MTA3: variants seen among roughly 807,000 people sequenced by gnomAD.
The protein encoded by MTA3 is metastasis-associated protein MTA3.
MTA3 carries 34 observed loss-of-function variants against 83.5 expected under a neutral mutation model. The observed-to-expected ratio is 0.41, with a 90% confidence interval of 0.31 to 0.54. The LOEUF is 0.54. Ranked by LOEUF, MTA3 falls within the 20% of genes least tolerant of loss-of-function variation. The pLI is 0.33. For synonymous variants in MTA3, 303 were observed against 252.7 expected (o/e 1.20, Z -1.89); for missense variants, 761 against 726.4 (o/e 1.05, Z -0.55).
chr2:42,622,644 T>G (rs922173010), intron 4 of MTA3, among the ~76,000 whole-genome samples: 2 of 152,150 alleles, frequency 1.3e-5, no homozygotes, highest in African/African-American at 4.8e-5. Context: ...AGGAATCTTT[T>G]TAAAAAAATT....
intron 4 of MTA3, among the ~76,000 whole-genome samples, chr2:42,611,390 T>C (rs1684206530): frequency 6.6e-6 from 1 of 151,808 alleles, no homozygotes; most frequent in Non-Finnish European, 1.5e-5. Context: ...ACAACTCCTT[T>C]TTTATAGAAA....
chr2:42,624,791 G>A (rs955645107), intron 4 of MTA3, among the ~76,000 whole-genome samples: 2 of 151,998 alleles, frequency 1.3e-5, no homozygotes, highest in Admixed American at 1.3e-4. Flanking sequence ...TTGAATTTTG[G>A]GTTGAAAATG....
intron 3 of MTA3, among the ~76,000 whole-genome samples, chr2:42,585,539 A>G (rs1276714078): frequency 6.9e-6 from 1 of 145,588 alleles, no homozygotes; most frequent in Admixed American, 7.0e-5. Context: ...CAGTGGTGCA[A>G]TCTCAGCTCA....
chr2:42,555,239 G>C (rs1455900405), intron 2 of MTA3, among the ~76,000 whole-genome samples: 1 of 151,694 alleles, frequency 6.6e-6, no homozygotes, highest in Non-Finnish European at 1.5e-5. Context: ...CTAGGCGGTG[G>C]ATTAACTGAG....
chr2:42,502,797 C>CAAAA (rs3039405), intron 2 of MTA3, among the ~76,000 whole-genome samples: 7 of 85,340 alleles, frequency 8.2e-5, no homozygotes, highest in African/African-American at 1.7e-4. Context: ...AACTCTGTCT[C>CAAAA]AAAAAAAAAA....
chr2:42,577,134 A>ATATATATATAT (rs1558451250), intron 2 of MTA3, among the ~76,000 whole-genome samples: 4 of 96,706 alleles, frequency 4.1e-5, no homozygotes, highest in African/African-American at 1.7e-4. Flanking sequence ...ATATATATAT[A>ATATATATATAT]AAAATGAACT....
At chr2:42,576,999 C>T (rs1679109970) in intron 2 of MTA3, among the ~76,000 whole-genome samples, 1 of 149,620 alleles carries the variant, frequency 6.7e-6, no homozygotes, top group African/African-American at 2.5e-5. Context: ...GAGGCTGAGG[C>T]AGGAGGATCG....
intron 4 of MTA3, among the ~76,000 whole-genome samples, chr2:42,635,776 T>C (rs1028328447): frequency 2.6e-5 from 4 of 152,166 alleles, no homozygotes; most frequent in African/African-American, 4.8e-5. Flanking sequence ...TTTTCTGTTT[T>C]TTTTTCCCAA....
At chr2:42,636,060 C>T (rs564987119) in intron 4 of MTA3, among the ~76,000 whole-genome samples, 5 of 152,228 alleles carry the variant, frequency 3.3e-5, no homozygotes, top group Admixed American at 6.5e-5. Flanking sequence ...TGAGCCACGG[C>T]GCCGGGCCAG....
At chr2:42,603,107 C>CTTTTTTT (rs11352685) in intron 3 of MTA3, among the ~76,000 whole-genome samples, 1 of 128,308 alleles carries the variant, frequency 7.8e-6, no homozygotes. Flanking sequence ...AATAAATTTA[C>CTTTTTTT]TTTTTTTTTT....
At chr2:42,635,299 T>A (rs1687076043) in intron 4 of MTA3, among the ~76,000 whole-genome samples, 1 of 152,186 alleles carries the variant, frequency 6.6e-6, no homozygotes, top group South Asian at 2.1e-4. Context: ...AACCTAATAT[T>A]TTGACACTGT....
chr2:42,713,082 A>G (rs1558611588), intron 14 of MTA3, among the ~76,000 whole-genome samples: 1 of 152,232 alleles, frequency 6.6e-6, no homozygotes, highest in African/African-American at 2.4e-5. Context: ...TTTACTAGCA[A>G]CATTCCAAAG....
At chr2:42,618,286 T>C (rs1458159821) in intron 4 of MTA3, among the ~76,000 whole-genome samples, 1 of 152,162 alleles carries the variant, frequency 6.6e-6, no homozygotes, top group Non-Finnish European at 1.5e-5. Flanking sequence ...GTAGTCACGT[T>C]AAGTGTCATT....
In MTA3 at chr2:42,656,149, G is replaced by A. The variant is rs115251022; in HGVS notation, c.500-51G>A. The A allele has an allele frequency of 1.1e-3, 1,416 of 1,346,528 alleles. 11 individuals are homozygous for A. In the African/African-American group the frequency reaches 0.019, roughly 18 times the overall value. 83.4% of individuals were successfully genotyped at this position (1,346,528 alleles called of 1,614,324 possible). On this transcript the variant is annotated intron_variant, in intron 6 of 16. Coordinates refer to ENST00000405094, the MANE Select transcript of MTA3 (RefSeq NM_001330442.2). ...GTGACAGTTGTCATCAGTGGTATGA[G>A]ACAGTATGCCTTGTCAGTAACAAGA...
chr2:42,623,919 T>TGACCTTAGGTGTGATCCACC (rs898612739), intron 4 of MTA3, among the ~76,000 whole-genome samples: 2 of 152,122 alleles, frequency 1.3e-5, no homozygotes, highest in African/African-American at 4.8e-5. Flanking sequence ...CTCGAACTCC[T>TGACCTTAGGTGTGATCCACC]GACCTTAGGT....
intron 2 of MTA3, among the ~76,000 whole-genome samples, chr2:42,563,028 C>A (rs1374833681): frequency 9.9e-5 from 15 of 152,158 alleles, no homozygotes; most frequent in Admixed American, 9.2e-4. Context: ...TCGGATCTTG[C>A]CTCCTACATC....
At chr2:42,507,883 T>C (rs2103659520) in intron 2 of MTA3, among the ~76,000 whole-genome samples, 1 of 151,516 alleles carries the variant, frequency 6.6e-6, no homozygotes, top group African/African-American at 2.4e-5. Context: ...GTGACAGAGG[T>C]TGCAGTGAGT....
At chr2:42,598,429 C>T (rs957471939) in intron 3 of MTA3, among the ~76,000 whole-genome samples, 7 of 152,068 alleles carry the variant, frequency 4.6e-5, no homozygotes, top group Non-Finnish European at 8.8e-5. Flanking sequence ...TTAGGTAGTC[C>T]AAAGTATTTT....
At chr2:42,677,374 G>T (rs1691466841) in intron 8 of MTA3, among the ~76,000 whole-genome samples, 1 of 151,552 alleles carries the variant, frequency 6.6e-6, no homozygotes, top group South Asian at 2.1e-4. Flanking sequence ...ATGGAGTCTC[G>T]CTCTGTCACC....
Sources: gnomAD v4.1 joint callset for allele counts (sites outside exome capture counted in the v4.1 genomes callset) on GRCh38, gnomAD v4.1.1 for gene constraint, MANE v1.5 for transcripts, NCBI Gene and HGNC (gene_info 2026-07-23, HGNC 2026-07-21) for gene names.